DNAH7: variants seen among roughly 807,000 people sequenced by gnomAD.
DNAH7 encodes the protein dynein axonemal heavy chain 7.
DNAH7 carries 397 observed loss-of-function variants against 444.6 expected under a neutral mutation model. The ratio of observed to expected loss-of-function variants is 0.89; its 90% CI spans 0.82 to 0.97. DNAH7 has a LOEUF of 0.97. Ranked by LOEUF, DNAH7 falls within the 50% of genes least tolerant of loss-of-function variation. The pLI is 0.00. For synonymous variants in DNAH7, 1,636 were observed against 1,624.4 expected (o/e 1.01, Z -0.17); for missense variants, 4,902 against 4,800.8 (o/e 1.02, Z -0.62).
Position 195,926,641 on chromosome 2 carries a change from GATTA to G in DNAH7, c.3472-79_3472-76del, listed in dbSNP as rs1473081848. Reference sequence around the variant, plus strand: ...TACAATTGAGAGCTAAACTAAACTAGATTAATTCATACTGCTCAATTTTTTACAA... The same window carrying G: ...TACAATTGAGAGCTAAACTAAACTAGATTCATACTGCTCAATTTTTTACAA... On this transcript the variant is annotated intron_variant, in intron 21 of 64. Transcript: ENST00000312428. 14 of 1,315,042 alleles carry G rather than the reference GATTA, an allele frequency of 1.1e-5. No homozygotes were observed. The African/African-American group carries it at 1.6e-4, about 15-fold the overall frequency. 81.5% of individuals were successfully genotyped at this position (1,315,042 alleles called of 1,614,324 possible).
chr2:195,777,713 C>T lies in DNAH7; in HGVS notation c.11064+87G>A, dbSNP rs377346524. On this transcript the variant is annotated intron_variant, in intron 59 of 64. Coordinates refer to ENST00000312428, the MANE Select transcript of DNAH7 (RefSeq NM_018897.3). The stretch of plus-strand genomic sequence containing the variant: ...AAGGGTAACAAAAAAACAAGGCCTG[C>T]AGCAAAATCACCATTTAAAAAATAT... The T allele has an allele frequency of 1.1e-4, 152 of 1,383,354 alleles. 1 individual carries two copies. The Middle Eastern group carries it at 2.3e-3, about 21-fold the overall frequency. The allele number at this position is 1,383,354 out of a possible 1,614,324, so 85.7% of individuals were successfully genotyped here.
intron 19 of DNAH7, among the ~76,000 whole-genome samples, chr2:195,948,887 A>G (rs1261811926): frequency 1.3e-5 from 2 of 152,148 alleles, no homozygotes; most frequent in Non-Finnish European, 2.9e-5. Flanking sequence ...TTTGGGCAGT[A>G]TGGCCATTTT....
chr2:195,802,393 G>A lies in DNAH7; in HGVS notation c.10177-2921C>T, dbSNP rs754133587. 5.3e-5 allele frequency among the ~76,000 whole-genome samples: 8 copies of A among 152,134 alleles called. No homozygotes were observed. The South Asian group carries it at 8.3e-4, about 16-fold the overall frequency. On this transcript the variant is annotated intron_variant, in intron 54 of 64. Transcript: ENST00000312428. ...CGTGTGCCTATAATTCCAGCTACTC[G>A]AGAAGCTGAGGCACAAGAATCACTT...
At chr2:195,846,952 T>TGTGTGTGTGG (rs1699033118) in intron 46 of DNAH7, among the ~76,000 whole-genome samples, 1 of 144,700 alleles carries the variant, frequency 6.9e-6, no homozygotes, top group Non-Finnish European at 1.5e-5. Context: ...CCCATATATG[T>TGTGTGTGTGG]GTGTGTGTGT....
At chr2:195,778,206 C>T (rs1281971467) in intron 58 of DNAH7, among the ~76,000 whole-genome samples, 1 of 152,068 alleles carries the variant, frequency 6.6e-6, no homozygotes, top group East Asian at 1.9e-4. Context: ...AATGGAATTC[C>T]TCTATTAAGT....
intron 17 of DNAH7, among the ~76,000 whole-genome samples, chr2:195,969,227 G>A (rs1169015646): frequency 6.6e-6 from 1 of 152,078 alleles, no homozygotes; most frequent in Non-Finnish European, 1.5e-5. Flanking sequence ...CCACCTCAGT[G>A]GCCTTGGTTT....
chr2:195,989,457 G>A (rs1043876518), intron 12 of DNAH7, among the ~76,000 whole-genome samples: 2 of 152,096 alleles, frequency 1.3e-5, no homozygotes, highest in Admixed American at 6.5e-5. Context: ...ACATTTTTTA[G>A]TATACCTGTT....
intron 1 of DNAH7, among the ~76,000 whole-genome samples, chr2:196,061,981 G>C (rs1266906288): frequency 6.6e-6 from 1 of 152,100 alleles, no homozygotes; most frequent in African/African-American, 2.4e-5. Context: ...CTACCTAACA[G>C]CCTAGTCTCT....
intron 10 of DNAH7, among the ~76,000 whole-genome samples, chr2:196,006,730 T>C (rs2125704985): frequency 6.6e-6 from 1 of 152,228 alleles, no homozygotes; most frequent in South Asian, 2.1e-4. Flanking sequence ...ATATATAAAA[T>C]TCAGTTGTAT....
chr2:195,925,318 C>T (rs575282521), intron 22 of DNAH7, among the ~76,000 whole-genome samples: 8 of 152,222 alleles, frequency 5.3e-5, no homozygotes, highest in South Asian at 4.1e-4. Flanking sequence ...CGTCCCCTGG[C>T]GGGCCACCTT....
At chr2:195,866,074 G>A (rs2125101432) in intron 40 of DNAH7, among the ~76,000 whole-genome samples, 1 of 152,344 alleles carries the variant, frequency 6.6e-6, no homozygotes, top group Middle Eastern at 3.4e-3. Context: ...TATTTCGTCA[G>A]TGGAACGTTG....
Position 195,936,602 on chromosome 2 carries a change from G to A in DNAH7, c.3269C>T (p.Thr1090Ile). 1.3e-6 allele frequency: 2 copies of A among 1,579,662 alleles called. No homozygotes were observed. The highest frequency in any genetic ancestry group is 1.2e-5 in the South Asian group (1 of 81,950). Residue 1090 changes from threonine (T) to isoleucine (I), a missense_variant, in exon 20 of 65, where the codon ACT (threonine) becomes ATT (isoleucine). By Grantham distance (89) the Thr-to-Ile change is moderately conservative. Transcript: ENST00000312428. ...LEILSETKDP[T>I]RVQPHLKKCF... The stretch of plus-strand genomic sequence containing the variant: ...ATTCTACATGTAAATTACTTACCTA[G>A]TGGGATCTTTAGTCTCAGATAGTAT...
chr2:195,950,877 A>AT (rs1690201582), intron 19 of DNAH7, among the ~76,000 whole-genome samples: 1 of 148,430 alleles, frequency 6.7e-6, no homozygotes, highest in South Asian at 2.1e-4. Flanking sequence ...AAAAAAAAAA[A>AT]AACCCAGCTC....
At chr2:195,950,879 A>AAAAAAAC (rs1559262968) in intron 19 of DNAH7, among the ~76,000 whole-genome samples, 1 of 145,182 alleles carries the variant, frequency 6.9e-6, no homozygotes, top group Non-Finnish European at 1.5e-5. Flanking sequence ...AAAAAAAAAA[A>AAAAAAAC]CCCAGCTCCT....
Position 195,936,735 on chromosome 2 carries a change from A to AT in DNAH7, c.3135dup (p.Ser1046IlefsTer2), listed in dbSNP as rs752223706. 5.6e-5 allele frequency: 89 copies of AT among 1,599,452 alleles called. 1 individual carries two copies. The East Asian group carries it at 1.8e-3, about 33-fold the overall frequency. On this transcript the variant is annotated frameshift_variant, in exon 20 of 65. Transcript: ENST00000312428. LOFTEE classifies it high-confidence loss of function. ...AGAATGAGCTCCAAAAGTTCATTAGATTTTTTCAGCCTTTCCAGCATTCTG... is the reference window on the plus strand; with the variant it reads ...AGAATGAGCTCCAAAAGTTCATTAGATTTTTTTCAGCCTTTCCAGCATTCTG...
chr2:195,832,594 C>T (rs1040326170), intron 48 of DNAH7, among the ~76,000 whole-genome samples: 1 of 152,008 alleles, frequency 6.6e-6, no homozygotes, highest in African/African-American at 2.4e-5. Flanking sequence ...AGGCACATAG[C>T]ACCATGCCCA....
intron 1 of DNAH7, among the ~76,000 whole-genome samples, chr2:196,066,576 C>G (rs1277979709): frequency 6.6e-6 from 1 of 152,186 alleles, no homozygotes; most frequent in Non-Finnish European, 1.5e-5. Flanking sequence ...AGTTTTTCAA[C>G]TGATACTAAA....
At chr2:195,774,386 T>G (rs532533363) in intron 60 of DNAH7, among the ~76,000 whole-genome samples, 47 of 152,372 alleles carry the variant, frequency 3.1e-4, no homozygotes, top group African/African-American at 1.1e-3. Flanking sequence ...TTTCCCTTAT[T>G]AGAAAATGTC....
At chr2:195,746,125 T>C (rs537878254) in intron 63 of DNAH7, among the ~76,000 whole-genome samples, 71 of 152,146 alleles carry the variant, frequency 4.7e-4, no homozygotes, top group Middle Eastern at 6.8e-3. Flanking sequence ...CAGAGACACA[T>C]AGGCTCAAGA....
Sources: gnomAD v4.1 joint callset for allele counts (sites outside exome capture counted in the v4.1 genomes callset) on GRCh38, gnomAD v4.1.1 for gene constraint, MANE v1.5 for transcripts, NCBI Gene and HGNC (gene_info 2026-07-23, HGNC 2026-07-21) for gene names.